Variants in BICDL1 observed in about 807,000 individuals in gnomAD.
BICDL1 encodes BICD family like cargo adaptor 1, also known as BICD family-like cargo adapter 1.
BICDL1 carries 20 observed loss-of-function variants against 76.8 expected under a neutral mutation model. That is an observed-to-expected ratio of 0.26 (90% CI 0.18 to 0.38). The LOEUF is 0.38. Ranked by LOEUF, BICDL1 falls within the 10% of genes least tolerant of loss-of-function variation. The pLI is 1.00. For missense variants in BICDL1, 700 were observed against 798.6 expected (o/e 0.88, Z 1.49); for synonymous variants, 383 against 337.1 (o/e 1.14, Z -1.49).
At chr12:120,000,269 G>C (rs1268333747) in intron 2 of BICDL1, 1 of 153,210 alleles carries the variant, frequency 6.5e-6, no homozygotes, top group African/African-American at 2.4e-5. Flanking sequence ...CTTGCCTGCA[G>C]GTTTCCCATC....
At chr12:120,075,991 T>C (rs2093998013) in intron 7 of BICDL1, among the ~76,000 whole-genome samples, 1 of 152,204 alleles carries the variant, frequency 6.6e-6, no homozygotes, top group Admixed American at 6.5e-5. Context: ...AAACCCCATC[T>C]CTACTAAAAA....
At chr12:119,997,270 C>G (rs931193836) in intron 1 of BICDL1, among the ~76,000 whole-genome samples, 3 of 152,136 alleles carry the variant, frequency 2.0e-5, no homozygotes, top group Non-Finnish European at 4.4e-5. Flanking sequence ...TTATTTCCCT[C>G]AATCCAAAGA....
intron 2 of BICDL1, among the ~76,000 whole-genome samples, chr12:120,048,712 G>C (rs900987824): frequency 6.6e-6 from 1 of 152,154 alleles, no homozygotes; most frequent in Non-Finnish European, 1.5e-5. Flanking sequence ...GCAAGGTCCA[G>C]CTCTGACATC....
chr12:120,080,729 A>G, intron 7 of BICDL1, 158 bp from the exon 8 acceptor site: 1 of 628,712 alleles, frequency 1.6e-6, no homozygotes, highest in Non-Finnish European at 2.6e-6. Flanking sequence ...CAAGAGAGAC[A>G]GGCCCTCTCT....
At chr12:119,994,912 G>A (rs893457108) in intron 1 of BICDL1, among the ~76,000 whole-genome samples, 1 of 152,144 alleles carries the variant, frequency 6.6e-6, no homozygotes, top group Non-Finnish European at 1.5e-5. Context: ...TGGTACATCC[G>A]CCATAATTAT....
intron 7 of BICDL1, among the ~76,000 whole-genome samples, chr12:120,077,051 G>T (rs1299936604): frequency 6.6e-6 from 1 of 152,200 alleles, no homozygotes; most frequent in Non-Finnish European, 1.5e-5. Flanking sequence ...TGGGACTGAG[G>T]TTCTAGCACA....
chr12:120,087,746 A>C (rs1874546826), intron 8 of BICDL1, among the ~76,000 whole-genome samples: 1 of 152,190 alleles, frequency 6.6e-6, no homozygotes, highest in Non-Finnish European at 1.5e-5. Flanking sequence ...GAAAAAAATT[A>C]ATTTTCTTTT....
rs1454952863 is a variant in BICDL1 at position 120,094,203 on chromosome 12, G to A, written c.*1042G>A. The stretch of plus-strand genomic sequence containing the variant: ...CAGCCGCCCCTCCTCCTCCACCCAG[G>A]CCCCAACTCAGAGGCTCCGCGGCCC... On this transcript the variant is annotated 3_prime_UTR_variant, in exon 10 of 10. Coordinates refer to ENST00000548673, the MANE Select transcript of BICDL1 (RefSeq NM_001367886.1). 3 of 455,528 alleles carry A rather than the reference G, an allele frequency of 6.6e-6. No individual in the cohort carries two copies. The highest frequency in any genetic ancestry group is 2.4e-5 in the Admixed American group (1 of 42,430). The allele number at this position is 455,528 out of a possible 1,614,324, so 28.2% of individuals were successfully genotyped here. A position where few individuals can be genotyped will look rare whatever the true frequency, so the allele number is the denominator to read the frequency against.
In BICDL1 at chr12:120,080,990, T is replaced by C. The variant is rs1873925670; in HGVS notation, c.1556T>C (p.Ile519Thr). The change falls in exon 8 of 10, where the codon ATC becomes ACC. Residue 519 changes from isoleucine (I) to threonine (T), a missense_variant. By Grantham distance (89) the Ile-to-Thr change is moderately conservative. This residue lies in a region of BICDL1 where 455 missense variants were observed against 548.7 expected (regional missense o/e 0.83). Transcript: ENST00000548673. ...CCAAAGGAGCAGCTTCAGAAGGCCA[T>C]CAGGGACCGCGACGAGGCCATTGCA... ...KEPKEQLQKAIRDRDEAIAKK... is the reference protein window; with the variant it reads ...KEPKEQLQKATRDRDEAIAKK... 2 of 1,613,752 alleles carry C rather than the reference T, an allele frequency of 1.2e-6. No homozygotes were observed. Among genetic ancestry groups the C allele is most frequent in the South Asian group, 2.2e-5 (2 of 91,078 alleles).
At chr12:120,091,880 C>G in intron 9 of BICDL1, 1 of 985,380 alleles carries the variant, frequency 1.0e-6, no homozygotes, top group African/African-American at 1.7e-5. Flanking sequence ...CTGCTCGGAA[C>G]CAAAGAGGTC....
chr12:120,062,336 G>GA (rs1283314318), intron 3 of BICDL1, among the ~76,000 whole-genome samples: 1 of 152,150 alleles, frequency 6.6e-6, no homozygotes, highest in Non-Finnish European at 1.5e-5. Flanking sequence ...AGGATGAGGG[G>GA]AAAAAGAAAG....
intron 1 of BICDL1, among the ~76,000 whole-genome samples, chr12:119,990,800 T>G (rs973163509): frequency 1.3e-5 from 2 of 152,228 alleles, no homozygotes; most frequent in Non-Finnish European, 2.9e-5. Flanking sequence ...TATATAGCCT[T>G]CAAATGCTCA....
chr12:119,995,759 A>G (rs7974498), intron 1 of BICDL1, among the ~76,000 whole-genome samples: 130,158 of 151,942 alleles, frequency 0.86, 56,223 homozygotes, highest in East Asian at 0.99. Context: ...GGCCGAGGCA[A>G]GCGGATCACG....
rs1873376705 is a variant in BICDL1 at position 120,074,456 on chromosome 12, TTGA to T, written c.1329_1331del (p.Asp444del). The T allele has an allele frequency of 1.6e-6, 2 of 1,228,902 alleles. No homozygotes were observed. Among genetic ancestry groups the T allele is most frequent in the African/African-American group, 1.6e-5 (1 of 63,030 alleles). 76.1% of individuals were successfully genotyped at this position (1,228,902 alleles called of 1,614,324 possible). A position where few individuals can be genotyped will look rare whatever the true frequency, so the allele number is the denominator to read the frequency against. ...TTTTACTGTCAGGGCTCCCGGAGAC[TTGA>T]TGATGACTCCTTAGAAGAACAGATA... On this transcript the variant is annotated inframe_deletion, in exon 7 of 10. Coordinates refer to ENST00000548673, the MANE Select transcript of BICDL1 (RefSeq NM_001367886.1).
chr12:120,079,061 G>A lies in BICDL1; in HGVS notation c.1453-1826G>A, dbSNP rs1873777362. On this transcript the variant is annotated intron_variant, in intron 7 of 9. Transcript: ENST00000548673. The surrounding 1 kb of genome is among the most constrained non-coding windows in gnomAD (Gnocchi z 4.3). ...TGGGTAGCTGCAGGTGCTCCAGCCT[G>A]TTCTTCCCCGAGGCTTCCGCCCTCC... Among the ~76,000 whole-genome samples, 1 of 152,250 alleles carries A rather than the reference G, an allele frequency of 6.6e-6. No homozygotes were observed. The highest frequency in any genetic ancestry group is 2.4e-5 in the African/African-American group (1 of 41,468).
rs896388956 is a variant in BICDL1 at position 120,093,531 on chromosome 12, A to G, written c.*370A>G. 2 of 235,778 alleles carry G rather than the reference A, an allele frequency of 8.5e-6. No individual in the cohort carries two copies. The highest frequency in any genetic ancestry group is 1.7e-5 in the Non-Finnish European group (2 of 116,540). The allele number at this position is 235,778 out of a possible 1,614,324, so 14.6% of individuals were successfully genotyped here. On this transcript the variant is annotated 3_prime_UTR_variant, in exon 10 of 10. Coordinates refer to ENST00000548673, the MANE Select transcript of BICDL1 (RefSeq NM_001367886.1). ...GCACTGCTGCCTCCTTGATTTTAGC[A>G]AATGGGGAACAGAAGGAATGGAGGC...
intron 2 of BICDL1, among the ~76,000 whole-genome samples, chr12:120,007,071 A>G (rs1330658185): frequency 6.6e-6 from 1 of 152,148 alleles, no homozygotes; most frequent in African/African-American, 2.4e-5. Flanking sequence ...GGTTGTGGGA[A>G]GGAAGGTTAA....
intron 2 of BICDL1, among the ~76,000 whole-genome samples, chr12:120,005,075 C>T (rs995638765): frequency 2.0e-5 from 3 of 152,156 alleles, no homozygotes; most frequent in Non-Finnish European, 2.9e-5. Context: ...CTGCCCACCT[C>T]GGCCTCGAAA....
intron 4 of BICDL1, among the ~76,000 whole-genome samples, chr12:120,067,549 C>G (rs1444841011): frequency 6.6e-6 from 1 of 152,178 alleles, no homozygotes; most frequent in Non-Finnish European, 1.5e-5. Context: ...AGACTCTTCT[C>G]TTGTTTGGTT....
Sources: allele counts gnomAD v4.1 joint callset (sites outside exome capture counted in the v4.1 genomes callset), GRCh38; gene constraint gnomAD v4.1.1; regional missense constraint gnomAD v4.1.1; non-coding constraint Gnocchi (gnomAD v3.1); transcripts MANE v1.5; gene names NCBI Gene and HGNC (gene_info 2026-07-23, HGNC 2026-07-21).